HLA-E: variants seen among roughly 807,000 people sequenced by gnomAD.
HLA-E encodes the protein HLA class I histocompatibility antigen, alpha chain E.
In HLA-E, 25 loss-of-function variants were observed where a neutral mutation model predicts 43.4. The ratio of observed to expected loss-of-function variants is 0.58; its 90% confidence interval spans 0.42 to 0.80. The LOEUF (loss-of-function observed/expected upper bound fraction) is 0.80, where lower values mean the gene tolerates loss of function less well. Among genes scored for constraint, HLA-E ranks in the 30% least tolerant of loss-of-function variants. The pLI is 0.00. For synonymous variants in HLA-E, 161 were observed against 197.6 expected, an observed-to-expected ratio of 0.81 and a Z score of 1.55; for missense variants, 343 against 470.0, an observed-to-expected ratio of 0.73 and a Z score of 2.50.
Position 30,492,754 on chromosome 6 carries a change from G to GACAGCTGCCTTGTGTGCGACTGAGATGC in HLA-E, c.*38_*65dup, listed in dbSNP as rs1348538819. ...ATGACTATTTTCTTCTGTAGCCTGA[G>GACAGCTGCCTTGTGTGCGACTGAGATGC]ACAGCTGCCTTGTGTGCGACTGAGA... On this transcript the variant is annotated 3_prime_UTR_variant, in exon 8 of 8. Transcript: ENST00000376630. This position sits in a 1 kb window ranked among gnomAD's most constrained non-coding sequence, Gnocchi z 4.5. The GACAGCTGCCTTGTGTGCGACTGAGATGC allele has an allele frequency of 7.4e-5, 54 of 731,108 alleles. No homozygotes were observed. Among genetic ancestry groups the GACAGCTGCCTTGTGTGCGACTGAGATGC allele is most frequent in the Middle Eastern group, 2.4e-4 (1 of 4,104 alleles). 45.3% of individuals were successfully genotyped at this position (731,108 alleles called of 1,614,324 possible). A position where few individuals can be genotyped will look rare whatever the true frequency, so the allele number is the denominator to read the frequency against.
chr6:30,491,639 GGAA>G lies in HLA-E; in HGVS notation c.995_997del (p.Lys332del). 6.2e-7 allele frequency: 1 copy of G among 1,612,892 alleles called. No homozygotes were observed. Among genetic ancestry groups the G allele is most frequent in the Non-Finnish European group, 8.5e-7 (1 of 1,179,642 alleles). On this transcript the variant is annotated inframe_deletion, in exon 5 of 8. Transcript: ENST00000376630. This position sits in a 1 kb window ranked among gnomAD's most constrained non-coding sequence, Gnocchi z 5.4. The stretch of plus-strand genomic sequence containing the variant: ...GCTGTGGTTGCTGCTGTGATATGGA[GGAA>G]GAAGAGCTCAGGTGGGGAAGGGAGA...
chr6:30,492,820 T>C lies in HLA-E; in HGVS notation c.*74T>C. On this transcript the variant is annotated 3_prime_UTR_variant, in exon 8 of 8. Coordinates refer to ENST00000376630, the MANE Select transcript of HLA-E (RefSeq NM_005516.6). The surrounding 1 kb of genome is among the most constrained non-coding windows in gnomAD (Gnocchi z 4.5). Reference sequence around the variant, plus strand: ...TGTGCGACTGAGATGCAGGATTTCCTCACGCCTCCCCTATGTGTCTTAGGG... The same window carrying C: ...TGTGCGACTGAGATGCAGGATTTCCCCACGCCTCCCCTATGTGTCTTAGGG... 1 of 659,050 alleles carries C rather than the reference T, an allele frequency of 1.5e-6. No individual in the cohort carries two copies. Among genetic ancestry groups the C allele is most frequent in the African/African-American group, 1.8e-5 (1 of 55,646 alleles). 40.8% of individuals were successfully genotyped at this position (659,050 alleles called of 1,614,324 possible).
chr6:30,490,650 AGCTG>A lies in HLA-E; in HGVS notation c.610+136_610+139del. On this transcript the variant is annotated intron_variant, in intron 3 of 7. Transcript: ENST00000376630. This position sits in a 1 kb window ranked among gnomAD's most constrained non-coding sequence, Gnocchi z 6.6. The stretch of plus-strand genomic sequence containing the variant: ...ACTCCTCCCTTGGATCAGGAGAGGG[AGCTG>A]TCACCTGAGGTACAGGAGATCCTAT... 1.2e-6 allele frequency: 1 copy of A among 845,290 alleles called. No homozygotes were observed. Among genetic ancestry groups the A allele is most frequent in the East Asian group, 2.7e-5 (1 of 37,600 alleles). The allele number at this position is 845,290 out of a possible 1,614,324, so 52.4% of individuals were successfully genotyped here.
At position 30,491,110 on chromosome 6, in the gene HLA-E, C is replaced by G; in HGVS notation, c.611-27C>G. The G allele has an allele frequency of 1.2e-6, 2 of 1,611,348 alleles. No individual in the cohort carries two copies. Among genetic ancestry groups the G allele is most frequent in the Non-Finnish European group, 1.7e-6 (2 of 1,178,168 alleles). ...AGTGTCCCATGAGAGATACAAAGTG[C>G]CTGAATTTTCTGACTCTTCCCCTCA... On this transcript the variant is annotated intron_variant, in intron 3 of 7. Transcript: ENST00000376630. This position sits in a 1 kb window ranked among gnomAD's most constrained non-coding sequence, Gnocchi z 5.4.
rs749012792 is a variant in HLA-E at position 30,491,541 on chromosome 6, G to A, written c.891G>A (p.Pro297=). Residue 297 remains proline, a synonymous_variant, in exon 5 of 8, where the codon CCG becomes CCA. Transcript: ENST00000376630. This position sits in a 1 kb window ranked among gnomAD's most constrained non-coding sequence, Gnocchi z 5.4. The part of the protein sequence containing the change: ...LPEPVTLRWK[P]ASQPTIPIVG... ...TACGTTCCCCTCTTTTCCCAGAGCCGGCTTCCCAGCCCACCATCCCCATCG... is the reference window on the plus strand; with the variant it reads ...TACGTTCCCCTCTTTTCCCAGAGCCAGCTTCCCAGCCCACCATCCCCATCG... 6.8e-6 allele frequency: 11 copies of A among 1,613,282 alleles called. No individual in the cohort carries two copies. In the Admixed American group the frequency reaches 1.3e-4, roughly 20 times the overall value.
At position 30,489,698 on chromosome 6, in the gene HLA-E, G is replaced by T; in HGVS notation, c.65-28G>T. ...GGAGCCGCGCCGGGAGGAGGGTCGG[G>T]CCGATCTCAGCCCCTCCTCGCCCCC... On this transcript the variant is annotated intron_variant, in intron 1 of 7. Coordinates refer to ENST00000376630, the MANE Select transcript of HLA-E (RefSeq NM_005516.6). This position sits in a 1 kb window ranked among gnomAD's most constrained non-coding sequence, Gnocchi z 5.6. 1 of 1,611,778 alleles carries T rather than the reference G, an allele frequency of 6.2e-7. No individual in the cohort carries two copies.
chr6:30,492,273 T>A lies in HLA-E; in HGVS notation c.1004-131T>A, dbSNP rs1307072020. Reference sequence around the variant, plus strand: ...GGACCCACACCTGCTTTCTTCACGTTTCCTGATCCTGCCCTGGGTCTGCAG... The same window carrying A: ...GGACCCACACCTGCTTTCTTCACGTATCCTGATCCTGCCCTGGGTCTGCAG... On this transcript the variant is annotated intron_variant, in intron 5 of 7. Transcript: ENST00000376630. This position sits in a 1 kb window ranked among gnomAD's most constrained non-coding sequence, Gnocchi z 4.5. The A allele has an allele frequency of 1.1e-6, 1 of 945,010 alleles. No homozygotes were observed. The highest frequency in any genetic ancestry group is 1.7e-6 in the Non-Finnish European group (1 of 574,594). 58.5% of individuals were successfully genotyped at this position (945,010 alleles called of 1,614,324 possible).
chr6:30,490,316 C>A lies in HLA-E; in HGVS notation c.411C>A (p.Phe137Leu), dbSNP rs753816430. The A allele has an allele frequency of 1.2e-6, 2 of 1,613,048 alleles. No homozygotes were observed. Among genetic ancestry groups the A allele is most frequent in the Admixed American group, 1.7e-5 (1 of 60,020 alleles). The change falls in exon 3 of 8, where the codon TTC becomes TTA. Residue 137 changes from phenylalanine (F) to leucine (L), a missense_variant. By Grantham distance (22) the Phe-to-Leu change is conservative. Transcript: ENST00000376630. This position sits in a 1 kb window ranked among gnomAD's most constrained non-coding sequence, Gnocchi z 6.6. ...DGRFLRGYEQFAYDGKDYLTL... is the reference protein window; with the variant it reads ...DGRFLRGYEQLAYDGKDYLTL... The stretch of plus-strand genomic sequence containing the variant: ...GCTTCCTCCGCGGGTATGAACAGTT[C>A]GCCTACGACGGCAAGGATTATCTCA...
rs1310671636 is a variant in HLA-E at position 30,490,032 on chromosome 6, C to T, written c.334+37C>T. The T allele has an allele frequency of 3.2e-6, 5 of 1,577,748 alleles. No individual in the cohort carries two copies. The East Asian group carries it at 9.0e-5, about 28-fold the overall frequency. On this transcript the variant is annotated intron_variant, in intron 2 of 7. Transcript: ENST00000376630. The surrounding 1 kb of genome is among the most constrained non-coding windows in gnomAD (Gnocchi z 6.6). ...CGGCCAGGGGAGCAGGTCACGACCC[C>T]TCCCCATCCCCCACGGACGGCGCGG...
At position 30,490,013 on chromosome 6, in the gene HLA-E, G is replaced by A. The variant is rs772314043; in HGVS notation, c.334+18G>A. ...CGAGGCCGGTGAGTGACCCCGGCCA[G>A]GGGAGCAGGTCACGACCCCTCCCCA... On this transcript the variant is annotated intron_variant, in intron 2 of 7. Coordinates refer to ENST00000376630, the MANE Select transcript of HLA-E (RefSeq NM_005516.6). The surrounding 1 kb of genome is among the most constrained non-coding windows in gnomAD (Gnocchi z 6.6). 4 of 1,595,678 alleles carry A rather than the reference G, an allele frequency of 2.5e-6. No individual in the cohort carries two copies. The African/African-American group carries it at 4.0e-5, about 16-fold the overall frequency.
chr6:30,492,237 C>T lies in HLA-E; in HGVS notation c.1004-167C>T, dbSNP rs1300839432. On this transcript the variant is annotated intron_variant, in intron 5 of 7. Coordinates refer to ENST00000376630, the MANE Select transcript of HLA-E (RefSeq NM_005516.6). The surrounding 1 kb of genome is among the most constrained non-coding windows in gnomAD (Gnocchi z 4.5). ...CTGCTGAAGACAGACCTCAGAAGGG[C>T]AGTTGATCCAGGACCCACACCTGCT... is the stretch of plus-strand genomic sequence containing the variant. Among the ~76,000 whole-genome samples the T allele has an allele frequency of 2.6e-5, 4 of 152,314 alleles. No individual in the cohort carries two copies. Among genetic ancestry groups the T allele is most frequent in the Middle Eastern group, 3.4e-3 (1 of 294 alleles).
In HLA-E at chr6:30,490,257, T is replaced by C; in HGVS notation, c.352T>C (p.Trp118Arg). 1 of 1,612,338 alleles carries C rather than the reference T, an allele frequency of 6.2e-7. No individual in the cohort carries two copies. The highest frequency in any genetic ancestry group is 1.1e-5 in the South Asian group (1 of 91,052). Residue 118 changes from tryptophan (W) to arginine (R), a missense_variant, in exon 3 of 8, where the codon TGG becomes CGG. By Grantham distance (101) the Trp-to-Arg change is moderately radical (BLOSUM62 -3). Coordinates refer to ENST00000376630, the MANE Select transcript of HLA-E (RefSeq NM_005516.6). This position sits in a 1 kb window ranked among gnomAD's most constrained non-coding sequence, Gnocchi z 6.6. ...GGGGCCAGGGTCTCACACCCTGCAG[T>C]GGATGCATGGCTGCGAGCTGGGGCC... ...QSEAGSHTLQ[W>R]MHGCELGPDG...
rs532684825 is a variant in HLA-E at position 30,492,806 on chromosome 6, G to A, written c.*60G>A. Reference sequence around the variant, plus strand: ...GCACAGCTGCCTTGTGTGCGACTGAGATGCAGGATTTCCTCACGCCTCCCC... The same window carrying A: ...GCACAGCTGCCTTGTGTGCGACTGAAATGCAGGATTTCCTCACGCCTCCCC... On this transcript the variant is annotated 3_prime_UTR_variant, in exon 8 of 8. Transcript: ENST00000376630. The surrounding 1 kb of genome is among the most constrained non-coding windows in gnomAD (Gnocchi z 4.5). The A allele has an allele frequency of 9.0e-6, 6 of 670,012 alleles. No homozygotes were observed. Among genetic ancestry groups the A allele is most frequent in the South Asian group, 7.4e-5 (4 of 53,942 alleles). 41.5% of individuals were successfully genotyped at this position (670,012 alleles called of 1,614,324 possible).
In HLA-E at chr6:30,493,065, G is replaced by A. The variant is rs2127275714; in HGVS notation, c.*319G>A. On this transcript the variant is annotated 3_prime_UTR_variant, in exon 8 of 8. Transcript: ENST00000376630. This position sits in a 1 kb window ranked among gnomAD's most constrained non-coding sequence, Gnocchi z 5.5. ...TCCCAGCACTTAGGGAGGCCGAGGA[G>A]GGCAGATCACGAGGTCAGGAGATCG... The A allele has an allele frequency of 6.2e-6, 1 of 162,064 alleles. No individual in the cohort carries two copies. Among genetic ancestry groups the A allele is most frequent in the Non-Finnish European group, 1.3e-5 (1 of 74,480 alleles). 10.0% of individuals were successfully genotyped at this position (162,064 alleles called of 1,614,324 possible).
chr6:30,491,143 C>T lies in HLA-E; in HGVS notation c.617C>T (p.Pro206Leu), dbSNP rs778051023. The T allele has an allele frequency of 6.2e-7, 1 of 1,613,874 alleles. No homozygotes were observed. Among genetic ancestry groups the T allele is most frequent in the Admixed American group, 1.7e-5 (1 of 60,014 alleles). The change falls in exon 4 of 8, where the codon CCA becomes CTA. Residue 206 changes from proline (P) to leucine (L), a missense_variant. Around this residue, in one of 3 missense-constraint regions of HLA-E, gnomAD observed 190 missense variants for 283.6 expected, o/e 0.67. Coordinates refer to ENST00000376630, the MANE Select transcript of HLA-E (RefSeq NM_005516.6). The surrounding 1 kb of genome is among the most constrained non-coding windows in gnomAD (Gnocchi z 5.4). The part of the protein sequence containing the change: ...GKETLLHLEP[P>L]KTHVTHHPIS... ...TTCTGACTCTTCCCCTCAGAGCCCCCAAAGACACACGTGACTCACCACCCC... is the reference window on the plus strand; with the variant it reads ...TTCTGACTCTTCCCCTCAGAGCCCCTAAAGACACACGTGACTCACCACCCC...
In HLA-E at chr6:30,489,681, G is replaced by A. The variant is rs759133831; in HGVS notation, c.65-45G>A. Reference sequence around the variant, plus strand: ...GGGGGCGAAGGACTCGGGGAGCCGCGCCGGGAGGAGGGTCGGGCCGATCTC... The same window carrying A: ...GGGGGCGAAGGACTCGGGGAGCCGCACCGGGAGGAGGGTCGGGCCGATCTC... On this transcript the variant is annotated intron_variant, in intron 1 of 7. Transcript: ENST00000376630. This position sits in a 1 kb window ranked among gnomAD's most constrained non-coding sequence, Gnocchi z 5.6. The A allele has an allele frequency of 1.2e-6, 2 of 1,610,538 alleles. No homozygotes were observed. The highest frequency in any genetic ancestry group is 8.5e-7 in the Non-Finnish European group (1 of 1,178,764).
Position 30,490,525 on chromosome 6 carries a change from T to C in HLA-E, c.610+10T>C. The C allele has an allele frequency of 6.2e-7, 1 of 1,609,686 alleles. No homozygotes were observed. On this transcript the variant is annotated intron_variant, in intron 3 of 7. Coordinates refer to ENST00000376630, the MANE Select transcript of HLA-E (RefSeq NM_005516.6). The surrounding 1 kb of genome is among the most constrained non-coding windows in gnomAD (Gnocchi z 6.6). ...ACGCTGCTTCACCTGGGTAAGAGGG[T>C]CCACAGGGCTACTCTCCCATCTCCT...
In HLA-E at chr6:30,489,660, G is replaced by A. The variant is rs1457685857; in HGVS notation, c.64+65G>A. 14 of 1,607,968 alleles carry A rather than the reference G, an allele frequency of 8.7e-6. No individual in the cohort carries two copies. The highest frequency in any genetic ancestry group is 6.6e-5 in the South Asian group (6 of 90,526). On this transcript the variant is annotated intron_variant, in intron 1 of 7. Coordinates refer to ENST00000376630, the MANE Select transcript of HLA-E (RefSeq NM_005516.6). The surrounding 1 kb of genome is among the most constrained non-coding windows in gnomAD (Gnocchi z 5.6). ...GTAGAGAGGGGCCGGCCCGGCGGGG[G>A]CGAAGGACTCGGGGAGCCGCGCCGG...
Position 30,490,660 on chromosome 6 carries a change from T to C in HLA-E, c.610+145T>C. ...TGGATCAGGAGAGGGAGCTGTCACC[T>C]GAGGTACAGGAGATCCTATACCACA... is the stretch of plus-strand genomic sequence containing the variant. On this transcript the variant is annotated intron_variant, in intron 3 of 7. Transcript: ENST00000376630. The surrounding 1 kb of genome is among the most constrained non-coding windows in gnomAD (Gnocchi z 6.6). 1.3e-6 allele frequency: 1 copy of C among 788,776 alleles called. No homozygotes were observed. 48.9% of individuals were successfully genotyped at this position (788,776 alleles called of 1,614,324 possible). A position where few individuals can be genotyped will look rare whatever the true frequency, so the allele number is the denominator to read the frequency against.
Sources: allele counts gnomAD v4.1 joint callset (sites outside exome capture counted in the v4.1 genomes callset), GRCh38; gene constraint gnomAD v4.1.1; regional missense constraint gnomAD v4.1.1; non-coding constraint Gnocchi (gnomAD v3.1); transcripts MANE v1.5; gene names NCBI Gene and HGNC (gene_info 2026-07-23, HGNC 2026-07-21).